Variants in SHISA9 observed in about 807,000 individuals in gnomAD.
SHISA9 encodes protein shisa-9.
Under a neutral mutation model 38.0 loss-of-function variants are expected in SHISA9, and 13 were observed. The ratio of observed to expected loss-of-function variants is 0.34; its 90% CI spans 0.22 to 0.54. The LOEUF is 0.54. SHISA9 is among the 20% of genes least tolerant of loss of function. The probability of loss-of-function intolerance (pLI) is 0.91; values close to 1 mark genes in which losing one functional copy is unlikely to be tolerated. For missense variants in SHISA9, 538 were observed against 575.8 expected (o/e 0.93, Z 0.67); for synonymous variants, 275 against 242.0 (o/e 1.14, Z -1.27).
chr16:13,200,006 G>C (rs1490044484), intron 2 of SHISA9, among the ~76,000 whole-genome samples: 1 of 152,160 alleles, frequency 6.6e-6, no homozygotes, highest in African/African-American at 2.4e-5. Flanking sequence ...CCCGGAAGCA[G>C]CTCTCAACCA....
intron 2 of SHISA9, among the ~76,000 whole-genome samples, chr16:12,983,889 GT>G (rs557212130): frequency 6.6e-6 from 1 of 152,146 alleles, no homozygotes; most frequent in Non-Finnish European, 1.5e-5. Context: ...ACTTTGAGGG[GT>G]TTCTGTTTCT....
At position 13,235,273 on chromosome 16, in the gene SHISA9, G is replaced by T; in HGVS notation, c.1139G>T (p.Arg380Leu). ...GACCCCAACGAGCAGTCCCTCCGGC[G>T]GCAGGCTTACAGCAACAAGGGCAAG... ...GWDPNEQSLR[R>L]QAYSNKGKLG... The change falls in exon 5 of 5, where the codon CGG (arginine) becomes CTG (leucine). Residue 380 changes from arginine (R) to leucine (L), a missense_variant. By Grantham distance (102) the Arg-to-Leu change is moderately radical. Transcript: ENST00000558583. The T allele has an allele frequency of 6.4e-7, 1 of 1,551,536 alleles. No homozygotes were observed. Among genetic ancestry groups the T allele is most frequent in the Non-Finnish European group, 8.7e-7 (1 of 1,147,008 alleles).
chr16:13,091,148 C>A (rs140593153), intron 2 of SHISA9, among the ~76,000 whole-genome samples: 4 of 152,094 alleles, frequency 2.6e-5, no homozygotes, highest in Non-Finnish European at 4.4e-5. Flanking sequence ...CTGGCTTGCA[C>A]GGTTTCTGCT....
At chr16:13,549,430 G>A in the SHISA9 span, among the ~76,000 whole-genome samples, 2 of 152,078 alleles carry the variant, frequency 1.3e-5, no homozygotes, top group Admixed American at 6.5e-5. Flanking sequence ...CCCCATAAAT[G>A]TGTACAATTA....
intron 2 of SHISA9, among the ~76,000 whole-genome samples, chr16:13,009,078 A>G (rs2072638135): frequency 6.6e-6 from 1 of 151,114 alleles, no homozygotes; most frequent in South Asian, 2.1e-4. Flanking sequence ...GCTCTGTTCT[A>G]AGAGAGAGAG....
At chr16:13,010,722 C>T (rs937860015) in intron 2 of SHISA9, among the ~76,000 whole-genome samples, 17 of 152,072 alleles carry the variant, frequency 1.1e-4, no homozygotes, top group South Asian at 4.1e-4. Flanking sequence ...GAGGCCAAGG[C>T]GGGCGGATCA....
At chr16:12,993,485 G>C (rs1596570335) in intron 2 of SHISA9, among the ~76,000 whole-genome samples, 2 of 152,108 alleles carry the variant, frequency 1.3e-5, no homozygotes, top group East Asian at 3.9e-4. Context: ...ATCTAGAGCA[G>C]GCATGATGAT....
At chr16:13,072,886 C>G (rs1280886341) in intron 2 of SHISA9, among the ~76,000 whole-genome samples, 2 of 152,308 alleles carry the variant, frequency 1.3e-5, no homozygotes, top group East Asian at 3.9e-4. Context: ...ATCTCAAACT[C>G]CTGGTCTCAA....
chr16:13,042,982 C>A (rs543734680), intron 2 of SHISA9, among the ~76,000 whole-genome samples: 1 of 152,268 alleles, frequency 6.6e-6, no homozygotes, highest in South Asian at 2.1e-4. Flanking sequence ...CAGATAAACC[C>A]TGGAGTTTCA....
the SHISA9 span, among the ~76,000 whole-genome samples, chr16:13,277,000 C>A: frequency 1.0e-3 from 159 of 152,188 alleles, no homozygotes; most frequent in African/African-American, 3.7e-3. Flanking sequence ...AAGCTAATGT[C>A]TAGAAGGAGT....
intron 2 of SHISA9, among the ~76,000 whole-genome samples, chr16:13,021,903 C>T (rs1000218553): frequency 3.9e-5 from 6 of 152,162 alleles, no homozygotes; most frequent in Non-Finnish European, 7.3e-5. Context: ...AACAAATGAC[C>T]ACACACTGCA....
chr16:13,046,335 G>A (rs898884684), intron 2 of SHISA9, among the ~76,000 whole-genome samples: 5 of 152,220 alleles, frequency 3.3e-5, no homozygotes, highest in Admixed American at 1.3e-4. Context: ...ATGAGAGGCA[G>A]TCTGGATATG....
chr16:13,006,856 A>G (rs1045957701), intron 2 of SHISA9, among the ~76,000 whole-genome samples: 1 of 152,032 alleles, frequency 6.6e-6, no homozygotes, highest in African/African-American at 2.4e-5. Flanking sequence ...CTTGGTTTTC[A>G]TGCTCTACTT....
rs1567262488 is a variant in SHISA9 at position 13,239,758 on chromosome 16, CG to C, written c.*4350del. The C allele has an allele frequency of 6.6e-6, 1 of 151,762 alleles. No homozygotes were observed. Among genetic ancestry groups the C allele is most frequent in the East Asian group, 1.9e-4 (1 of 5,156 alleles). The allele number at this position is 151,762 out of a possible 1,614,324, so 9.4% of individuals were successfully genotyped here. ...AGCCCTTTGTCAGATGAGTAGGTTG[CG>C]AAAATTTTCTCCCATTTTGTAGGTT... On this transcript the variant is annotated 3_prime_UTR_variant, in exon 5 of 5. Transcript: ENST00000558583.
Position 13,148,731 on chromosome 16 carries a change from C to A in SHISA9, c.692-54663C>A, listed in dbSNP as rs908066476. ...CACACACACACACATCATGACTATACCCTGCATATAGACCATACTTATTTC... is the reference window on the plus strand; with the variant it reads ...CACACACACACACATCATGACTATAACCTGCATATAGACCATACTTATTTC... On this transcript the variant is annotated intron_variant, in intron 2 of 4. Transcript: ENST00000558583. Among the ~76,000 whole-genome samples the A allele has an allele frequency of 4.0e-5, 6 of 148,356 alleles. No homozygotes were observed. In the South Asian group the frequency reaches 1.1e-3, roughly 26 times the overall value.
At chr16:13,476,738 G>GTGTTTTTTTTTTTTTT in the SHISA9 span, among the ~76,000 whole-genome samples, 1 of 65,182 alleles carries the variant, frequency 1.5e-5, no homozygotes, top group African/African-American at 5.5e-5. Context: ...CCTGTTTTGT[G>GTGTTTTTTTTTTTTTT]TTTTTTTTTT....
At chr16:13,375,871 A>G in the SHISA9 span, among the ~76,000 whole-genome samples, 1 of 152,042 alleles carries the variant, frequency 6.6e-6, no homozygotes, top group East Asian at 1.9e-4. Flanking sequence ...TCAACCCAAC[A>G]CCTATCAAAA....
the SHISA9 span, among the ~76,000 whole-genome samples, chr16:13,387,464 C>A: frequency 1.1e-4 from 17 of 150,788 alleles, no homozygotes; most frequent in South Asian, 1.5e-3. Context: ...CTGAAAGGAA[C>A]AAGGAAGCTT....
chr16:13,470,594 G>A, the SHISA9 span, among the ~76,000 whole-genome samples: 2 of 152,078 alleles, frequency 1.3e-5, no homozygotes, highest in Admixed American at 1.3e-4. Context: ...AAGAAAATGA[G>A]GGAAACTGCT....
Sources: allele counts gnomAD v4.1 joint callset (sites outside exome capture counted in the v4.1 genomes callset), GRCh38; gene constraint gnomAD v4.1.1; transcripts MANE v1.5; gene names NCBI Gene and HGNC (gene_info 2026-07-23, HGNC 2026-07-21).